The following GOLGA4 variants were observed in gnomAD, a reference collection of about 807,000 sequenced individuals.
GOLGA4 encodes golgin A4.
A neutral mutation model predicts 265.9 loss-of-function variants in GOLGA4; 169 were observed. The ratio of observed to expected loss-of-function variants is 0.64; its 90% CI spans 0.56 to 0.72. GOLGA4 has a LOEUF of 0.72. GOLGA4 is among the 30% of genes least tolerant of loss of function. GOLGA4 has a pLI of 0.00. For synonymous variants in GOLGA4, 923 were observed against 855.8 expected, an observed-to-expected ratio of 1.08 and a Z score of -1.37; for missense variants, 2,482 against 2,483.4, an observed-to-expected ratio of 1.00 and a Z score of 0.01.
intron 20 of GOLGA4, among the ~76,000 whole-genome samples, chr3:37,344,104 T>A (rs569459680): frequency 1.5e-4 from 23 of 152,346 alleles, no homozygotes; most frequent in Admixed American, 5.9e-4. Flanking sequence ...TTTACCCATT[T>A]CAGACTAACT....
intron 2 of GOLGA4, among the ~76,000 whole-genome samples, chr3:37,265,155 C>T (rs1485715713): frequency 1.4e-5 from 2 of 144,044 alleles, no homozygotes; most frequent in Non-Finnish European, 3.1e-5. Context: ...GTGTATAATT[C>T]TATACAATTT....
At chr3:37,251,353 C>T in intron 1 of GOLGA4, 42 bp from the exon 2 acceptor site, 2 of 1,214,104 alleles carry the variant, frequency 1.6e-6, no homozygotes, top group South Asian at 1.2e-5. Flanking sequence ...GTTCACTAGT[C>T]AATATAGTCT....
rs1236532041 is a variant in GOLGA4, at chr3:37,337,300, G to T, written c.6327+137G>T. 1.1e-5 allele frequency: 7 copies of T among 623,600 alleles called. No individual in the cohort carries two copies. In the East Asian group the frequency reaches 1.9e-4, roughly 17 times the overall value. The allele number at this position is 623,600 out of a possible 1,614,324, so 38.6% of individuals were successfully genotyped here. On this transcript the variant is annotated intron_variant, in intron 18 of 23. Coordinates refer to ENST00000361924, the MANE Select transcript of GOLGA4 (RefSeq NM_002078.5). The stretch of plus-strand genomic sequence containing the variant: ...CTGCAACCTCTGCCTCCTGAGTTCA[G>T]GTATTCTCATGCCTTAGTCTCCCAA...
At chr3:37,267,343 C>T (rs1411834475) in intron 2 of GOLGA4, among the ~76,000 whole-genome samples, 8 of 152,118 alleles carry the variant, frequency 5.3e-5, no homozygotes, top group South Asian at 2.1e-4. Flanking sequence ...GGGAAAAATT[C>T]GTTGTTATGT....
intron 23 of GOLGA4, among the ~76,000 whole-genome samples, chr3:37,361,771 C>T (rs945486488): frequency 6.6e-6 from 1 of 152,288 alleles, no homozygotes; most frequent in Admixed American, 6.5e-5. Flanking sequence ...CTAGTAAGAT[C>T]AATTTTAAAA....
intron 5 of GOLGA4, among the ~76,000 whole-genome samples, chr3:37,294,420 C>T (rs946100625): frequency 6.9e-6 from 1 of 144,276 alleles, no homozygotes; most frequent in East Asian, 2.0e-4. Flanking sequence ...AAGCCTCACT[C>T]TATTACCCAG....
intron 16 of GOLGA4, among the ~76,000 whole-genome samples, chr3:37,330,650 G>A (rs1315414267): frequency 1.3e-5 from 2 of 152,306 alleles, no homozygotes; most frequent in Admixed American, 6.5e-5. Context: ...CAAGTGGACA[G>A]GAAGTGGAGG....
chr3:37,269,521 T>TA (rs796337838), intron 2 of GOLGA4, among the ~76,000 whole-genome samples: 11 of 152,044 alleles, frequency 7.2e-5, no homozygotes, highest in African/African-American at 2.4e-4. Context: ...AACATACACT[T>TA]AAAGTACAAA....
At chr3:37,331,015 A>G (rs903930605) in intron 16 of GOLGA4, among the ~76,000 whole-genome samples, 1 of 144,786 alleles carries the variant, frequency 6.9e-6, no homozygotes, top group Admixed American at 7.2e-5. Context: ...TGGGCGACAG[A>G]GTGAGACTCC....
In GOLGA4 at chr3:37,324,439, T is replaced by C. The variant is rs757333552; in HGVS notation, c.2553T>C (p.Asp851=). The part of the protein sequence containing the change: ...QVAEVEAQKK[D]VCTELDAHKI... ...CTGAAGTTGAAGCACAAAAGAAAGA[T>C]GTTTGTACTGAGTTAGATGCTCACA... is the stretch of plus-strand genomic sequence containing the variant. The change falls in exon 14 of 24, where the codon GAT becomes GAC. Residue 851 remains aspartate (D), a synonymous_variant. Transcript: ENST00000361924. 30 of 1,614,072 alleles carry C rather than the reference T, an allele frequency of 1.9e-5. No individual in the cohort carries two copies. The highest frequency in any genetic ancestry group is 3.4e-6 in the Non-Finnish European group (4 of 1,180,028).
chr3:37,345,187 G>T (rs1263957946), intron 20 of GOLGA4, among the ~76,000 whole-genome samples: 2 of 152,170 alleles, frequency 1.3e-5, no homozygotes, highest in Non-Finnish European at 1.5e-5. Flanking sequence ...TCTATCCTGG[G>T]TGACAGTGAG....
intron 20 of GOLGA4, chr3:37,341,783 A>T (rs959771056): frequency 6.6e-6 from 1 of 152,196 alleles, no homozygotes; most frequent in Non-Finnish European, 1.5e-5. Context: ...AATAGTGTCA[A>T]TTCCTTTTGT....
At chr3:37,335,332 A>G (rs2097007116) in intron 17 of GOLGA4, among the ~76,000 whole-genome samples, 166 bp downstream of exon 17, 1 of 152,238 alleles carries the variant, frequency 6.6e-6, no homozygotes, top group African/African-American at 2.4e-5. Context: ...ATGTTCAAAG[A>G]GATTAAATAA....
chr3:37,295,939 A>G (rs2096877035), intron 6 of GOLGA4, 148 bp from the exon 7 acceptor site: 3 of 656,310 alleles, frequency 4.6e-6, no homozygotes, highest in Non-Finnish European at 8.2e-6. Flanking sequence ...TGCAAATACT[A>G]CACCATTTTA....
At chr3:37,290,962 T>G (rs937424402) in intron 5 of GOLGA4, among the ~76,000 whole-genome samples, 10 of 152,216 alleles carry the variant, frequency 6.6e-5, no homozygotes, top group Non-Finnish European at 1.2e-4. Flanking sequence ...TAATATCTTT[T>G]TGCTTAACAT....
Position 37,329,058 on chromosome 3 carries a change from AAACG to A in GOLGA4, c.6161_6164del (p.Arg2054GlnfsTer16). 1 of 1,610,776 alleles carries A rather than the reference AAACG, an allele frequency of 6.2e-7. No homozygotes were observed. The highest frequency in any genetic ancestry group is 2.2e-5 in the East Asian group (1 of 44,746). On this transcript the variant is annotated frameshift_variant, in exon 16 of 24. Transcript: ENST00000361924. LOFTEE classifies it high-confidence loss of function. ...AATTGCTGAGAAAGATGATGATCTA[AAACG>A]AACAGCCAAAAGATATGAAGAAATC... is the stretch of plus-strand genomic sequence containing the variant.
At position 37,302,287 on chromosome 3, in the gene GOLGA4, C is replaced by G. The variant is rs755782116; in HGVS notation, c.1189C>G (p.Gln397Glu). Reference protein sequence around the residue: ...LRSRIKQMTTQGEELREQKEK... With the variant: ...LRSRIKQMTTEGEELREQKEK... ...TAGTCGCATCAAACAGATGACTACC[C>G]AGGGAGAGGAATTACGGGAACAGAA... The change falls in exon 10 of 24, where the codon CAG (glutamine) becomes GAG (glutamate). Residue 397 changes from glutamine to glutamate, a missense_variant. Coordinates refer to ENST00000361924, the MANE Select transcript of GOLGA4 (RefSeq NM_002078.5). The G allele has an allele frequency of 6.2e-7, 1 of 1,613,186 alleles. No individual in the cohort carries two copies. The highest frequency in any genetic ancestry group is 8.5e-7 in the Non-Finnish European group (1 of 1,179,314).
intron 23 of GOLGA4, among the ~76,000 whole-genome samples, chr3:37,363,017 C>T (rs1244501202): frequency 6.6e-6 from 1 of 152,002 alleles, no homozygotes; most frequent in Non-Finnish European, 1.5e-5. Context: ...CTCCTGACCT[C>T]ATGATCTGCC....
chr3:37,247,368 A>G (rs1056542271), intron 1 of GOLGA4, among the ~76,000 whole-genome samples: 1 of 152,178 alleles, frequency 6.6e-6, no homozygotes, highest in Non-Finnish European at 1.5e-5. Flanking sequence ...TGAAGGGTCT[A>G]TGTAGTCCCT....
Sources: gnomAD v4.1 joint callset for allele counts (sites outside exome capture counted in the v4.1 genomes callset) on GRCh38, gnomAD v4.1.1 for gene constraint, MANE v1.5 for transcripts, NCBI Gene and HGNC (gene_info 2026-07-23, HGNC 2026-07-21) for gene names.